KIAA0825: variants seen among roughly 807,000 people sequenced by gnomAD.
The protein encoded by KIAA0825 is KIAA0825, also known as uncharacterized protein KIAA0825.
KIAA0825 carries 119 observed loss-of-function variants against 147.6 expected under a neutral mutation model. The ratio of observed to expected loss-of-function variants is 0.81; its 90% CI spans 0.69 to 0.94. KIAA0825 has a LOEUF of 0.94. Among genes scored for constraint, KIAA0825 ranks in the 40% least tolerant of loss-of-function variants. KIAA0825 has a pLI of 0.00. For missense variants in KIAA0825, 1,381 were observed against 1,472.7 expected, an observed-to-expected ratio of 0.94 and a Z score of 1.02; for synonymous variants, 470 against 518.1, an observed-to-expected ratio of 0.91 and a Z score of 1.26.
At chr5:94,610,070 A>G (rs1223793527) in intron 1 of KIAA0825, among the ~76,000 whole-genome samples, 1 of 152,218 alleles carries the variant, frequency 6.6e-6, no homozygotes, top group Non-Finnish European at 1.5e-5. Context: ...TTGCATTTTT[A>G]AAATGAAAAA....
intron 1 of KIAA0825, among the ~76,000 whole-genome samples, chr5:94,585,726 A>G (rs1783137899): frequency 6.6e-6 from 1 of 152,190 alleles, no homozygotes; most frequent in South Asian, 2.1e-4. Flanking sequence ...CCCCAAATCA[A>G]CAGAATATAC....
chr5:94,269,339 A>G (rs1469608929), intron 20 of KIAA0825, among the ~76,000 whole-genome samples: 2 of 152,178 alleles, frequency 1.3e-5, no homozygotes, highest in African/African-American at 4.8e-5. Context: ...ACTCAAATGA[A>G]GACAGGAAGA....
intron 1 of KIAA0825, among the ~76,000 whole-genome samples, chr5:94,597,505 T>C (rs145518753): frequency 2.3e-4 from 35 of 152,270 alleles, no homozygotes; most frequent in African/African-American, 7.9e-4. Context: ...TTTCATATGA[T>C]GCATAAAAGT....
intron 1 of KIAA0825, among the ~76,000 whole-genome samples, chr5:94,614,268 A>G (rs542929300): frequency 2.0e-5 from 3 of 152,228 alleles, no homozygotes; most frequent in Non-Finnish European, 4.4e-5. Context: ...GAGAAAAATC[A>G]TAAGTTATTT....
chr5:94,558,560 GT>G (rs1156540164), intron 2 of KIAA0825, among the ~76,000 whole-genome samples: 1 of 152,154 alleles, frequency 6.6e-6, no homozygotes, highest in African/African-American at 2.4e-5. Flanking sequence ...AACCACAGTA[GT>G]TTTTTGTGTT....
chr5:94,354,396 T>C (rs1458038493), intron 20 of KIAA0825, among the ~76,000 whole-genome samples: 4 of 152,068 alleles, frequency 2.6e-5, no homozygotes, highest in Non-Finnish European at 5.9e-5. Context: ...AAATTTATTA[T>C]ATATAATTTA....
intron 20 of KIAA0825, among the ~76,000 whole-genome samples, chr5:94,187,418 T>C (rs1234399496): frequency 1.9e-4 from 28 of 149,146 alleles, no homozygotes; most frequent in African/African-American, 6.6e-4. Context: ...TTTTTTTTTT[T>C]TTTTTAATTT....
In KIAA0825 at chr5:94,471,547, A is replaced by C. The variant is rs1170648156; in HGVS notation, c.1640T>G (p.Leu547Trp). Reference protein sequence around the residue: ...EVPSKAPLKNLHTYLSTAVYV... With the variant: ...EVPSKAPLKNWHTYLSTAVYV... The stretch of plus-strand genomic sequence containing the variant: ...CACCGCTGTGGAGAGGTATGTGTGC[A>C]AGTTTTTCAGGGGTGCTTTGGAAGG... The change falls in exon 9 of 21, where the codon TTG becomes TGG. Residue 547 changes from leucine (L) to tryptophan (W), a missense_variant. By Grantham distance (61) the Leu-to-Trp change is moderately conservative (BLOSUM62 -2). Transcript: ENST00000682413. 15 of 1,551,858 alleles carry C rather than the reference A, an allele frequency of 9.7e-6. No individual in the cohort carries two copies. In the Middle Eastern group the frequency reaches 5.0e-4, roughly 52 times the overall value.
intron 2 of KIAA0825, among the ~76,000 whole-genome samples, chr5:94,564,965 T>C (rs1778348687): frequency 6.7e-6 from 1 of 148,768 alleles, no homozygotes; most frequent in African/African-American, 2.5e-5. Flanking sequence ...TTCTTTTCTT[T>C]TCTTTTTCTT....
At chr5:94,413,289 A>G (rs1037967862) in intron 15 of KIAA0825, 1 of 152,100 alleles carries the variant, frequency 6.6e-6, no homozygotes, top group Non-Finnish European at 1.5e-5. Flanking sequence ...GGTTCCTGGA[A>G]TGAATTCCTC....
chr5:94,419,449 G>C (rs10058990), intron 14 of KIAA0825, among the ~76,000 whole-genome samples: 3,235 of 152,072 alleles, frequency 0.021, 99 homozygotes, highest in African/African-American at 0.061. Context: ...TCCTGATTGA[G>C]GATCAAGAGT....
intron 20 of KIAA0825, among the ~76,000 whole-genome samples, chr5:94,265,565 G>A (rs1776706949): frequency 6.6e-6 from 1 of 152,136 alleles, no homozygotes; most frequent in Admixed American, 6.5e-5. Flanking sequence ...TTGGGAGGCT[G>A]AGGCAGGCAA....
rs1038236374 is a variant in KIAA0825 at position 94,442,069 on chromosome 5, A to C, written c.2358-1948T>G. On this transcript the variant is annotated intron_variant, in intron 13 of 20. Coordinates refer to ENST00000682413, the MANE Select transcript of KIAA0825 (RefSeq NM_001145678.3). ...CTAAGCACATTTAAAGGCTTTCTAA[A>C]TGTTAACTGATTGATTTTTCTGCTC... Among the ~76,000 whole-genome samples the C allele has an allele frequency of 2.6e-5, 4 of 152,198 alleles. No individual in the cohort carries two copies. The East Asian group carries it at 7.7e-4, about 29-fold the overall frequency.
chr5:94,519,542 A>C (rs1357685280), intron 5 of KIAA0825: 1 of 638,322 alleles, frequency 1.6e-6, no homozygotes, highest in African/African-American at 2.0e-5. Flanking sequence ...AGAAATTTTC[A>C]AATCATCTTT....
At chr5:94,340,570 G>A (rs1270151466) in intron 20 of KIAA0825, among the ~76,000 whole-genome samples, 1 of 152,080 alleles carries the variant, frequency 6.6e-6, no homozygotes, top group African/African-American at 2.4e-5. Flanking sequence ...TTAAGTTCAT[G>A]GTGGAAGACA....
intron 20 of KIAA0825, among the ~76,000 whole-genome samples, chr5:94,169,488 G>A (rs747443413): frequency 9.2e-5 from 14 of 151,514 alleles, no homozygotes; most frequent in South Asian, 2.1e-4. Context: ...AGGCTGAGGC[G>A]GGAGAATCAC....
chr5:94,590,041 G>T (rs562872523), intron 1 of KIAA0825, among the ~76,000 whole-genome samples: 1 of 152,052 alleles, frequency 6.6e-6, no homozygotes, highest in Non-Finnish European at 1.5e-5. Context: ...CCAGGCTGGA[G>T]TGGAGTGGCG....
intron 2 of KIAA0825, among the ~76,000 whole-genome samples, chr5:94,571,706 G>C (rs1039892942): frequency 6.6e-6 from 1 of 152,152 alleles, no homozygotes; most frequent in Non-Finnish European, 1.5e-5. Context: ...CCATTACAGA[G>C]TCATCATGGT....
At chr5:94,564,457 A>AGTGTGTGTGT (rs372092487) in intron 2 of KIAA0825, among the ~76,000 whole-genome samples, 1 of 14,992 alleles carries the variant, frequency 6.7e-5, no homozygotes, top group African/African-American at 3.6e-4. Context: ...CTTATTTTTG[A>AGTGTGTGTGT]GTGTGTGTGT....
Sources: allele counts gnomAD v4.1 joint callset (sites outside exome capture counted in the v4.1 genomes callset), GRCh38; gene constraint gnomAD v4.1.1; transcripts MANE v1.5; gene names NCBI Gene and HGNC (gene_info 2026-07-23, HGNC 2026-07-21).